The following PRICKLE2 variants were observed in gnomAD, a reference collection of about 807,000 sequenced individuals.
PRICKLE2 encodes the protein prickle planar cell polarity protein 2.
PRICKLE2 carries 21 observed loss-of-function variants against 81.4 expected under a neutral mutation model. That is an observed-to-expected ratio of 0.26 (90% CI 0.18 to 0.37). The LOEUF (loss-of-function observed/expected upper bound fraction) is 0.37. Ranked by LOEUF, PRICKLE2 falls within the 10% of genes least tolerant of loss-of-function variation. PRICKLE2 has a pLI of 1.00. For synonymous variants in PRICKLE2, 456 were observed against 421.5 expected, an observed-to-expected ratio of 1.08 and a Z score of -1.00; for missense variants, 940 against 1,109.0, an observed-to-expected ratio of 0.85 and a Z score of 2.16.
intron 2 of PRICKLE2, among the ~76,000 whole-genome samples, chr3:64,237,287 C>G (rs1048683941): frequency 6.6e-6 from 1 of 152,118 alleles, no homozygotes; most frequent in Admixed American, 6.5e-5. Flanking sequence ...TGGTCCTTGT[C>G]TGGCATCCAG....
intron 7 of PRICKLE2, among the ~76,000 whole-genome samples, chr3:64,130,206 A>G (rs543123612): frequency 1.3e-5 from 2 of 152,150 alleles, no homozygotes; most frequent in Non-Finnish European, 2.9e-5. Context: ...AGCTATCACA[A>G]CGTTAACATC....
chr3:64,165,438 A>T (rs2077814204), intron 2 of PRICKLE2, among the ~76,000 whole-genome samples: 1 of 152,192 alleles, frequency 6.6e-6, no homozygotes, highest in African/African-American at 2.4e-5. Context: ...AGGCACAAGC[A>T]TGTGGCTCTT....
rs10690677 is a variant in PRICKLE2 at position 64,177,125 on chromosome 3, C to CTTTTTT, written c.145-14002_145-13997dup. Reference sequence around the variant, plus strand: ...ACATTACAAGATTTGCCATTTTAACCTTTTTTTTTTTTTTTTTTTTTTTTT... The same window carrying CTTTTTT: ...ACATTACAAGATTTGCCATTTTAACCTTTTTTTTTTTTTTTTTTTTTTTTTTTTTTT... On this transcript the variant is annotated intron_variant, in intron 2 of 7. Transcript: ENST00000638394. 6.1e-4 allele frequency among the ~76,000 whole-genome samples: 43 copies of CTTTTTT among 70,854 alleles called. 5 individuals carry two copies. Among genetic ancestry groups the CTTTTTT allele is most frequent in the Non-Finnish European group, 7.7e-4 (33 of 42,894 alleles). The allele number at this position is 70,854 out of a possible 152,430, so 46.5% of individuals were successfully genotyped here.
intron 2 of PRICKLE2, among the ~76,000 whole-genome samples, chr3:64,239,191 G>A (rs893512187): frequency 2.0e-5 from 3 of 152,200 alleles, no homozygotes; most frequent in African/African-American, 4.8e-5. Flanking sequence ...TGACTCATCC[G>A]TCAGGCACCA....
chr3:64,258,889 G>GAAATAAATAAATAAAT (rs1231045065), intron 2 of PRICKLE2, among the ~76,000 whole-genome samples: 3 of 142,050 alleles, frequency 2.1e-5, no homozygotes, highest in African/African-American at 8.4e-5. Flanking sequence ...AAGAAAGAAA[G>GAAATAAATAAATAAAT]AAAGAAATCA....
At chr3:64,190,739 C>T (rs1045794431) in intron 2 of PRICKLE2, among the ~76,000 whole-genome samples, 7 of 152,234 alleles carry the variant, frequency 4.6e-5, no homozygotes, top group African/African-American at 1.7e-4. Context: ...AAGGTTCCAA[C>T]TGGCAGAGAG....
At chr3:64,263,298 A>G (rs2079643892) in intron 2 of PRICKLE2, among the ~76,000 whole-genome samples, 1 of 152,246 alleles carries the variant, frequency 6.6e-6, no homozygotes, top group African/African-American at 2.4e-5. Flanking sequence ...AAGGGTCGAC[A>G]TGAACATACC....
At chr3:64,199,057 A>G in intron 1 of PRICKLE2, 90 bp from the exon 2 acceptor site, 1 of 1,179,738 alleles carries the variant, frequency 8.5e-7, no homozygotes, top group Non-Finnish European at 1.2e-6. Context: ...TGGATCCCAA[A>G]CCATAAACAC....
chr3:64,218,827 G>A (rs1218251098), intron 1 of PRICKLE2, among the ~76,000 whole-genome samples: 2 of 152,142 alleles, frequency 1.3e-5, no homozygotes, highest in Non-Finnish European at 2.9e-5. Flanking sequence ...AGTAGCATCA[G>A]CATCCCAGGG....
chr3:64,220,269 T>A (rs2078931389), intron 1 of PRICKLE2, among the ~76,000 whole-genome samples: 2 of 152,296 alleles, frequency 1.3e-5, no homozygotes, highest in South Asian at 4.1e-4. Context: ...TGCTAAGAAT[T>A]TCTGCCCTGG....
At chr3:64,245,058 T>C (rs2079325805) in intron 2 of PRICKLE2, among the ~76,000 whole-genome samples, 1 of 152,190 alleles carries the variant, frequency 6.6e-6, no homozygotes, top group Non-Finnish European at 1.5e-5. Context: ...TAGGGTAAAT[T>C]ATTACTAATA....
At chr3:64,145,820 C>T (rs1039466028) in intron 7 of PRICKLE2, 1 of 151,938 alleles carries the variant, frequency 6.6e-6, no homozygotes, top group Non-Finnish European at 1.5e-5. Context: ...GCTACACCTT[C>T]TCCACCTTCA....
At chr3:64,120,176 C>A (rs938262336) in intron 7 of PRICKLE2, among the ~76,000 whole-genome samples, 1 of 152,082 alleles carries the variant, frequency 6.6e-6, no homozygotes, top group Non-Finnish European at 1.5e-5. Context: ...ACCCAGGTAA[C>A]CTGCACATGT....
intron 2 of PRICKLE2, among the ~76,000 whole-genome samples, chr3:64,250,729 AG>A (rs2079435183): frequency 1.3e-5 from 2 of 152,212 alleles, no homozygotes; most frequent in South Asian, 4.1e-4. Context: ...GTATCACTGT[AG>A]TGCATGGAGT....
intron 1 of PRICKLE2, among the ~76,000 whole-genome samples, chr3:64,207,788 T>C (rs773143851): frequency 6.6e-6 from 1 of 152,144 alleles, no homozygotes; most frequent in Non-Finnish European, 1.5e-5. Context: ...TCTGTGCAAG[T>C]GGAGAGAGAT....
At chr3:64,256,183 C>T (rs961023288) in intron 2 of PRICKLE2, among the ~76,000 whole-genome samples, 1 of 152,148 alleles carries the variant, frequency 6.6e-6, no homozygotes, top group East Asian at 1.9e-4. Context: ...AAAACTATGA[C>T]CTTCAAGCCA....
At chr3:64,250,434 C>T (rs930303898) in intron 2 of PRICKLE2, among the ~76,000 whole-genome samples, 2 of 152,166 alleles carry the variant, frequency 1.3e-5, no homozygotes, top group Non-Finnish European at 2.9e-5. Context: ...AACTGCTGGG[C>T]TGTTGCAGAG....
chr3:64,222,474 A>C (rs904767542), intron 1 of PRICKLE2, among the ~76,000 whole-genome samples: 1 of 152,194 alleles, frequency 6.6e-6, no homozygotes, highest in African/African-American at 2.4e-5. Flanking sequence ...GAGGAAAGGG[A>C]GAAACAGCAG....
chr3:64,141,121 T>C (rs1488294515), intron 7 of PRICKLE2, among the ~76,000 whole-genome samples: 1 of 152,238 alleles, frequency 6.6e-6, no homozygotes, highest in African/African-American at 2.4e-5. Context: ...ATGAAGCCAT[T>C]AGCATGTCAG....
Sources: allele counts gnomAD v4.1 joint callset (sites outside exome capture counted in the v4.1 genomes callset), GRCh38; gene constraint gnomAD v4.1.1; transcripts MANE v1.5; gene names NCBI Gene and HGNC (gene_info 2026-07-23, HGNC 2026-07-21).